PCSK5: variants seen among roughly 807,000 people sequenced by gnomAD.
PCSK5 encodes proprotein convertase subtilisin/kexin type 5, also known as prohormone convertase 5.
PCSK5 carries 129 observed loss-of-function variants against 233.2 expected under a neutral mutation model. The ratio of observed to expected loss-of-function variants is 0.55; its 90% CI spans 0.48 to 0.64. The LOEUF (loss-of-function observed/expected upper bound fraction) is 0.64. Among genes scored for constraint, PCSK5 ranks in the 30% least tolerant of loss-of-function variants. The probability of loss-of-function intolerance (pLI) is 0.00; values close to 1 mark genes in which losing one functional copy is unlikely to be tolerated. For synonymous variants in PCSK5, 825 were observed against 879.2 expected, an observed-to-expected ratio of 0.94 and a Z score of 1.09; for missense variants, 2,076 against 2,430.1, an observed-to-expected ratio of 0.85 and a Z score of 3.06.
In PCSK5 at chr9:76,359,845, C is replaced by T. The variant is rs540241356; in HGVS notation, c.*923C>T. The T allele has an allele frequency of 3.9e-5, 6 of 152,056 alleles. No homozygotes were observed. The highest frequency in any genetic ancestry group is 7.2e-5 in the African/African-American group (3 of 41,398). 9.4% of individuals were successfully genotyped at this position (152,056 alleles called of 1,614,324 possible). On this transcript the variant is annotated 3_prime_UTR_variant, in exon 38 of 38. Coordinates refer to ENST00000674117, the MANE Select transcript of PCSK5 (RefSeq NM_001372043.1). ...CTTCATCAACAACCCATCACAAAAC[C>T]GTGGACTCTCAATAGAAAGAGTTGG...
intron 3 of PCSK5, among the ~76,000 whole-genome samples, chr9:76,009,858 G>T (rs910635056): frequency 7.2e-5 from 11 of 152,092 alleles, no homozygotes; most frequent in Admixed American, 1.3e-4. Context: ...CTAGGTTTAT[G>T]TTTATGTAGC....
intron 24 of PCSK5, among the ~76,000 whole-genome samples, chr9:76,285,108 A>G (rs1166076328): frequency 6.6e-6 from 1 of 152,166 alleles, no homozygotes; most frequent in Non-Finnish European, 1.5e-5. Context: ...AGAGTGGCTG[A>G]TGCTGGAAGT....
intron 3 of PCSK5, among the ~76,000 whole-genome samples, chr9:75,998,498 G>A (rs563089003): frequency 5.3e-5 from 8 of 152,124 alleles, no homozygotes; most frequent in Admixed American, 1.3e-4. Context: ...GCTCAATACC[G>A]CTCTAGTAAG....
At chr9:75,982,986 G>A (rs1459403450) in intron 2 of PCSK5, among the ~76,000 whole-genome samples, 2 of 151,758 alleles carry the variant, frequency 1.3e-5, no homozygotes, top group Non-Finnish European at 2.9e-5. Flanking sequence ...CCAGTTGGTT[G>A]TTGTTCCAAC....
chr9:76,330,767 CAA>C (rs975484905), intron 33 of PCSK5, among the ~76,000 whole-genome samples: 8 of 152,112 alleles, frequency 5.3e-5, no homozygotes, highest in African/African-American at 1.9e-4. Context: ...AGAAAACACT[CAA>C]AGAGACCAGT....
At chr9:76,346,514 A>G (rs1829986363) in intron 35 of PCSK5, among the ~76,000 whole-genome samples, 2 of 152,318 alleles carry the variant, frequency 1.3e-5, no homozygotes, top group South Asian at 4.1e-4. Flanking sequence ...GAACTTGCCC[A>G]GTTGAAGTTT....
intron 5 of PCSK5, among the ~76,000 whole-genome samples, chr9:76,062,908 AC>A (rs1171897120): frequency 6.6e-6 from 1 of 152,026 alleles, no homozygotes; most frequent in Non-Finnish European, 1.5e-5. Context: ...CTAATATCTG[AC>A]TGTATTTTTG....
intron 12 of PCSK5, among the ~76,000 whole-genome samples, chr9:76,160,654 C>T (rs1888705): frequency 0.56 from 85,217 of 152,046 alleles, 24,818 homozygotes; most frequent in East Asian, 0.89. Context: ...ACAGTGAGAC[C>T]GAACTTGCCA....
chr9:76,193,952 C>G (rs1290479307), intron 20 of PCSK5: 1 of 152,586 alleles, frequency 6.6e-6, no homozygotes, highest in Non-Finnish European at 1.5e-5. Flanking sequence ...TCATTTACTT[C>G]ATGCTGTGTA....
At position 76,040,347 on chromosome 9, in the gene PCSK5, C is replaced by CTG. The variant is rs1563988490; in HGVS notation, c.632+13311_632+13312insGT. On this transcript the variant is annotated intron_variant, in intron 5 of 37. Transcript: ENST00000674117. ...TCTGTCTCTCTCTCTCTCTCTCTCT[C>CTG]TCTCTCTCTCTCTCTCTCTCTCTCT... is the stretch of plus-strand genomic sequence containing the variant. Among the ~76,000 whole-genome samples the CTG allele has an allele frequency of 3.0e-4, 15 of 49,718 alleles. No individual in the cohort carries two copies. In the East Asian group the frequency reaches 3.9e-3, roughly 13 times the overall value. 32.6% of individuals were successfully genotyped at this position (49,718 alleles called of 152,430 possible).
intron 27 of PCSK5, among the ~76,000 whole-genome samples, chr9:76,300,188 C>T (rs555272213): frequency 2.0e-5 from 3 of 152,228 alleles, no homozygotes; most frequent in East Asian, 3.9e-4. Flanking sequence ...AAAAATAAAT[C>T]GACTTCAGTA....
chr9:76,232,183 G>A (rs1341591344), intron 21 of PCSK5, among the ~76,000 whole-genome samples: 1 of 152,162 alleles, frequency 6.6e-6, no homozygotes, highest in Non-Finnish European at 1.5e-5. Flanking sequence ...ACAGGAACAA[G>A]GTGCTTGAGG....
At chr9:76,356,132 T>A (rs1411222903) in intron 37 of PCSK5, among the ~76,000 whole-genome samples, 1 of 152,252 alleles carries the variant, frequency 6.6e-6, no homozygotes, top group Non-Finnish European at 1.5e-5. Context: ...AGGGTCTGAT[T>A]GCCTAATATC....
chr9:76,046,203 A>G (rs1829385160), intron 5 of PCSK5, among the ~76,000 whole-genome samples: 1 of 90,048 alleles, frequency 1.1e-5, no homozygotes, highest in Non-Finnish European at 2.0e-5. Flanking sequence ...TTTGAGACGG[A>G]GTCTCGCCCT....
chr9:76,020,902 C>T (rs1481902241), intron 3 of PCSK5, among the ~76,000 whole-genome samples: 1 of 152,118 alleles, frequency 6.6e-6, no homozygotes, highest in East Asian at 1.9e-4. Flanking sequence ...CAGGTGGCCA[C>T]GGCAGGTTTT....
chr9:76,144,811 G>T (rs555784753), intron 10 of PCSK5, among the ~76,000 whole-genome samples: 5 of 152,306 alleles, frequency 3.3e-5, no homozygotes, highest in Non-Finnish European at 4.4e-5. Flanking sequence ...AAATAACTCA[G>T]TGTTACTAGA....
intron 12 of PCSK5, among the ~76,000 whole-genome samples, chr9:76,163,670 G>T (rs1372437642): frequency 6.6e-6 from 1 of 152,166 alleles, no homozygotes; most frequent in Non-Finnish European, 1.5e-5. Flanking sequence ...GAGCATGGAG[G>T]TCGAGTGTGT....
At chr9:76,123,648 T>TTAGG (rs1832731096) in intron 9 of PCSK5, among the ~76,000 whole-genome samples, 1 of 152,238 alleles carries the variant, frequency 6.6e-6, no homozygotes, top group Non-Finnish European at 1.5e-5. Context: ...GGAGTCATCA[T>TTAGG]TAGGTCTTTT....
intron 4 of PCSK5, among the ~76,000 whole-genome samples, chr9:76,024,555 G>T (rs1828336917): frequency 6.6e-6 from 1 of 152,198 alleles, no homozygotes; most frequent in Admixed American, 6.5e-5. Context: ...AACTATGGCT[G>T]CCTGTGCCCC....
Sources: gnomAD v4.1 joint callset for allele counts (sites outside exome capture counted in the v4.1 genomes callset) on GRCh38, gnomAD v4.1.1 for gene constraint, MANE v1.5 for transcripts, NCBI Gene and HGNC (gene_info 2026-07-23, HGNC 2026-07-21) for gene names.